IQCK: variants seen among roughly 807,000 people sequenced by gnomAD.
IQCK encodes IQ motif containing K, also known as IQ domain-containing protein K.
IQCK carries 29 observed loss-of-function variants against 28.1 expected under a neutral mutation model. That is an observed-to-expected ratio of 1.03 (90% CI 0.77 to 1.41). The LOEUF (loss-of-function observed/expected upper bound fraction) is 1.41, where lower values mean the gene tolerates loss of function less well. Ranked by LOEUF, IQCK falls within the 40% of genes most tolerant of loss-of-function variation. The pLI, the probability that IQCK is intolerant of heterozygous loss-of-function variation, is 0.00. For missense variants in IQCK, 359 were observed against 314.7 expected, an observed-to-expected ratio of 1.14 and a Z score of -1.07; for synonymous variants, 113 against 115.1, an observed-to-expected ratio of 0.98 and a Z score of 0.12.
At chr16:19,784,958 G>A (rs992117435) in intron 6 of IQCK, among the ~76,000 whole-genome samples, 1 of 152,080 alleles carries the variant, frequency 6.6e-6, no homozygotes, top group Admixed American at 6.5e-5. Flanking sequence ...TAGTAGAGAT[G>A]GGGTTTCACC....
At chr16:19,758,547 A>G (rs1267187897) in intron 4 of IQCK, among the ~76,000 whole-genome samples, 1 of 152,234 alleles carries the variant, frequency 6.6e-6, no homozygotes, top group Non-Finnish European at 1.5e-5. Flanking sequence ...GTAGGGCGGG[A>G]GAGAGACACT....
At chr16:19,721,905 G>A (rs1004276755) in intron 1 of IQCK, among the ~76,000 whole-genome samples, 2 of 152,140 alleles carry the variant, frequency 1.3e-5, no homozygotes, top group African/African-American at 4.8e-5. Context: ...GATATGCTGT[G>A]ATTACTGTTA....
intron 6 of IQCK, among the ~76,000 whole-genome samples, chr16:19,780,637 C>T (rs945542912): frequency 6.6e-6 from 1 of 152,210 alleles, no homozygotes; most frequent in African/African-American, 2.4e-5. Flanking sequence ...TTAAATCCAG[C>T]GTCTCCTTTA....
At chr16:19,836,803 T>C (rs1419412059) in intron 9 of IQCK, among the ~76,000 whole-genome samples, 1 of 152,190 alleles carries the variant, frequency 6.6e-6, no homozygotes, top group Admixed American at 6.5e-5. Context: ...TTAGCCACCG[T>C]GCCTGGCTGA....
exon 4 of IQCK, chr16:19,735,426 A>G (rs1304565939): frequency 2.5e-6 from 4 of 1,613,286 alleles, no homozygotes; most frequent in Non-Finnish European, 3.4e-6. Context: ...TGCTTCACCA[A>G]GCGAAGAAAG....
chr16:19,819,482 G>A (rs1312995240), intron 7 of IQCK: 2 of 150,594 alleles, frequency 1.3e-5, no homozygotes, highest in African/African-American at 4.9e-5. Context: ...GACAGAGTGA[G>A]ACTCCATCTA....
At chr16:19,762,626 CCCTT>C (rs2055164604) in intron 4 of IQCK, among the ~76,000 whole-genome samples, 1 of 152,144 alleles carries the variant, frequency 6.6e-6, no homozygotes, top group African/African-American at 2.4e-5. Context: ...CAATTAACCT[CCCTT>C]CCTTTTTCCT....
chr16:19,764,692 C>CTTT (rs1277213098), intron 6 of IQCK, among the ~76,000 whole-genome samples: 1 of 131,806 alleles, frequency 7.6e-6, no homozygotes, highest in African/African-American at 2.9e-5. Flanking sequence ...CCTTTAATTT[C>CTTT]TTTTTTTTTT....
chr16:19,750,546 C>G (rs2054972395), intron 4 of IQCK, among the ~76,000 whole-genome samples: 1 of 151,842 alleles, frequency 6.6e-6, no homozygotes, highest in African/African-American at 2.4e-5. Flanking sequence ...GCTGCAACCT[C>G]CAACTCCCGG....
At chr16:19,834,679 G>C (rs1391430799) in intron 9 of IQCK, among the ~76,000 whole-genome samples, 1 of 152,220 alleles carries the variant, frequency 6.6e-6, no homozygotes, top group African/African-American at 2.4e-5. Flanking sequence ...TTTCACTAAA[G>C]CAAGAAACCA....
intron 6 of IQCK, among the ~76,000 whole-genome samples, chr16:19,774,967 C>T (rs991387689): frequency 2.6e-5 from 4 of 152,080 alleles, no homozygotes; most frequent in African/African-American, 9.7e-5. Context: ...TTAGGCCTTG[C>T]CTGTAATCCC....
chr16:19,723,279 G>A (rs1188167680), intron 1 of IQCK, among the ~76,000 whole-genome samples: 1 of 152,104 alleles, frequency 6.6e-6, no homozygotes, highest in Non-Finnish European at 1.5e-5. Flanking sequence ...ATCATGCTGT[G>A]ACCTACAATG....
At chr16:19,756,653 G>C (rs766582488) in intron 4 of IQCK, among the ~76,000 whole-genome samples, 1 of 152,104 alleles carries the variant, frequency 6.6e-6, no homozygotes, top group Non-Finnish European at 1.5e-5. Flanking sequence ...TTGGGAGGCC[G>C]AGGCCAGCGG....
At chr16:19,724,417 T>C (rs1416246934) in intron 1 of IQCK, among the ~76,000 whole-genome samples, 2 of 152,212 alleles carry the variant, frequency 1.3e-5, no homozygotes, top group African/African-American at 4.8e-5. Flanking sequence ...CCTCCCACTA[T>C]AGTATATGCC....
intron 7 of IQCK, among the ~76,000 whole-genome samples, chr16:19,810,225 G>C (rs1385582270): frequency 1.3e-5 from 2 of 152,154 alleles, no homozygotes; most frequent in Non-Finnish European, 2.9e-5. Flanking sequence ...GGCCAGGCGC[G>C]GTGGCTCATG....
intron 1 of IQCK, among the ~76,000 whole-genome samples, chr16:19,725,965 G>T (rs918624464): frequency 2.0e-5 from 3 of 150,228 alleles, no homozygotes; most frequent in African/African-American, 7.4e-5. Context: ...ACCCAGGCTG[G>T]AGTGCAGCGG....
chr16:19,738,358 A>G (rs890277757), intron 4 of IQCK, among the ~76,000 whole-genome samples: 1 of 152,160 alleles, frequency 6.6e-6, no homozygotes. Context: ...CTTCTATTTC[A>G]TGAGTTTAGT....
chr16:19,848,638 T>A lies in IQCK; in HGVS notation c.803-7849T>A, dbSNP rs539270622. 7.9e-5 allele frequency among the ~76,000 whole-genome samples: 12 copies of A among 152,302 alleles called. No individual in the cohort carries two copies. The East Asian group carries it at 1.7e-3, about 22-fold the overall frequency. On this transcript the variant is annotated intron_variant, in intron 9 of 9. Transcript: ENST00000320394. Reference sequence around the variant, plus strand: ...ATACTGGTGCCACCAGTACCACTGGTACAGTGTACCAGGCACTTTGAATGG... The same window carrying A: ...ATACTGGTGCCACCAGTACCACTGGAACAGTGTACCAGGCACTTTGAATGG...
chr16:19,773,334 C>G (rs533006028), intron 6 of IQCK, among the ~76,000 whole-genome samples: 2 of 152,284 alleles, frequency 1.3e-5, no homozygotes, highest in East Asian at 3.9e-4. Context: ...TGAATGTGCA[C>G]AACTTCCCAA....
Sources: allele counts gnomAD v4.1 joint callset (sites outside exome capture counted in the v4.1 genomes callset), GRCh38; gene constraint gnomAD v4.1.1; transcripts MANE v1.5; gene names NCBI Gene and HGNC (gene_info 2026-07-23, HGNC 2026-07-21).